Variants in PNPLA1 observed in about 807,000 individuals in gnomAD.
PNPLA1 encodes patatin like domain 1, omega-hydroxyceramide transacylase, also known as omega-hydroxyceramide transacylase.
A neutral mutation model predicts 51.7 loss-of-function variants in PNPLA1; 36 were observed. The ratio of observed to expected loss-of-function variants is 0.70; its 90% CI spans 0.53 to 0.92. The LOEUF (loss-of-function observed/expected upper bound fraction) is 0.92. PNPLA1 is among the 40% of genes least tolerant of loss of function. PNPLA1 has a pLI of 0.00. For missense variants in PNPLA1, 658 were observed against 682.5 expected (o/e 0.96, Z 0.40); for synonymous variants, 293 against 280.1 (o/e 1.05, Z -0.46).
At chr6:36,285,759 T>C (rs1770468410) in intron 1 of PNPLA1, among the ~76,000 whole-genome samples, 1 of 152,164 alleles carries the variant, frequency 6.6e-6, no homozygotes, top group South Asian at 2.1e-4. Flanking sequence ...GGGAACATTA[T>C]CCACCTAAAC....
intron 1 of PNPLA1, among the ~76,000 whole-genome samples, chr6:36,288,860 C>T (rs1219956324): frequency 6.6e-6 from 1 of 152,136 alleles, no homozygotes. Context: ...TTGCCTGAGC[C>T]AGGCATTCCA....
chr6:36,247,599 A>G (rs1008980313), intron 1 of PNPLA1, among the ~76,000 whole-genome samples: 1 of 152,202 alleles, frequency 6.6e-6, no homozygotes, highest in Non-Finnish European at 1.5e-5. Context: ...AAGATCTGAG[A>G]GCAGGTTTAC....
chr6:36,295,213 A>G (rs1770820059), intron 4 of PNPLA1, 151 bp from the exon 5 acceptor site: 3 of 728,198 alleles, frequency 4.1e-6, no homozygotes, highest in African/African-American at 1.7e-5. Context: ...TTCTTAGCAG[A>G]CAGTGAGGGA....
intron 8 of PNPLA1, 171 bp downstream of exon 8, chr6:36,307,883 A>G: frequency 2.5e-6 from 2 of 794,494 alleles, no homozygotes; most frequent in Non-Finnish European, 3.7e-6. Context: ...CCACAGCTCC[A>G]CTCAGGGATC....
In PNPLA1 at chr6:36,306,330, G is replaced by A. The variant is rs750116578; in HGVS notation, c.1423G>A (p.Val475Met). ...TGTCTCTTCAAAACCAAAAAGCGCCGTGCCTCTGGTTCATGTGAAGGAAAC... is the reference window on the plus strand; with the variant it reads ...TGTCTCTTCAAAACCAAAAAGCGCCATGCCTCTGGTTCATGTGAAGGAAAC... ...LLVSSKPKSA[V>M]PLVHVKETVS... Residue 475 changes from valine (V) to methionine (M), a missense_variant, in exon 7 of 9, where the codon GTG becomes ATG. Coordinates refer to ENST00000636260, the MANE Select transcript of PNPLA1 (RefSeq NM_001374623.1). 3.2e-5 allele frequency: 51 copies of A among 1,612,560 alleles called. No homozygotes were observed. The highest frequency in any genetic ancestry group is 4.0e-5 in the Non-Finnish European group (47 of 1,179,442).
chr6:36,306,203 A>T, intron 6 of PNPLA1, 89 bp from the exon 7 acceptor site: 1 of 957,200 alleles, frequency 1.0e-6, no homozygotes, highest in South Asian at 1.6e-5. Context: ...GTTTTTAAAC[A>T]TTCTCATTTA....
intron 1 of PNPLA1, among the ~76,000 whole-genome samples, chr6:36,244,668 G>A (rs1305401957): frequency 6.6e-6 from 1 of 152,174 alleles, no homozygotes; most frequent in Non-Finnish European, 1.5e-5. Context: ...AACACACTTG[G>A]TGCCATTCGT....
At chr6:36,301,157 GTCACCC>G (rs1306521676) in intron 5 of PNPLA1, among the ~76,000 whole-genome samples, 175 of 111,694 alleles carry the variant, frequency 1.6e-3, no homozygotes, top group African/African-American at 5.9e-3. Context: ...TTCTCACTCT[GTCACCC>G]AAGCTGGAGC....
chr6:36,263,955 C>A (rs1333566562), intron 1 of PNPLA1, among the ~76,000 whole-genome samples: 2 of 152,250 alleles, frequency 1.3e-5, no homozygotes, highest in African/African-American at 2.4e-5. Flanking sequence ...TGCCCCTAAG[C>A]TGCTTCCCCG....
intron 1 of PNPLA1, among the ~76,000 whole-genome samples, chr6:36,247,315 A>C (rs767185081): frequency 1.3e-4 from 19 of 151,948 alleles, no homozygotes; most frequent in Non-Finnish European, 7.4e-5. Context: ...TACCTTTTCT[A>C]TACCCTTCCC....
At chr6:36,254,045 A>C (rs949767269) in intron 1 of PNPLA1, among the ~76,000 whole-genome samples, 1 of 152,204 alleles carries the variant, frequency 6.6e-6, no homozygotes, top group African/African-American at 2.4e-5. Context: ...CTGAGCTAGA[A>C]AGCAATATGT....
intron 1 of PNPLA1, among the ~76,000 whole-genome samples, chr6:36,259,706 C>T (rs961497206): frequency 6.6e-6 from 1 of 152,212 alleles, no homozygotes; most frequent in East Asian, 1.9e-4. Context: ...TGCCAGAGGC[C>T]ATTATCCTAC....
At chr6:36,281,147 G>A (rs1770268884) in intron 1 of PNPLA1, among the ~76,000 whole-genome samples, 1 of 152,152 alleles carries the variant, frequency 6.6e-6, no homozygotes, top group South Asian at 2.1e-4. Flanking sequence ...CATACTACTG[G>A]AGCTGGAAGT....
At chr6:36,310,972 G>A (rs1771395080) in intron 8 of PNPLA1, among the ~76,000 whole-genome samples, 1 of 152,216 alleles carries the variant, frequency 6.6e-6, no homozygotes, top group African/African-American at 2.4e-5. Context: ...GCCTGTGTGG[G>A]ACATTTGGGA....
chr6:36,279,974 G>A (rs779798864), intron 1 of PNPLA1, among the ~76,000 whole-genome samples: 4 of 152,188 alleles, frequency 2.6e-5, no homozygotes, highest in South Asian at 4.1e-4. Context: ...TTGGGAGGCC[G>A]AGGCAGGCAG....
intron 1 of PNPLA1, among the ~76,000 whole-genome samples, chr6:36,245,364 G>T (rs1769246626): frequency 6.6e-6 from 1 of 152,206 alleles, no homozygotes; most frequent in Non-Finnish European, 1.5e-5. Flanking sequence ...CAAGTATTTT[G>T]TGACTCTAAC....
intron 5 of PNPLA1, among the ~76,000 whole-genome samples, chr6:36,297,245 T>C (rs1770885554): frequency 6.6e-6 from 1 of 152,224 alleles, no homozygotes; most frequent in African/African-American, 2.4e-5. Flanking sequence ...TTGCTTCCTC[T>C]TCCGATTTGC....
intron 6 of PNPLA1, among the ~76,000 whole-genome samples, chr6:36,303,699 G>T (rs946697772): frequency 6.6e-6 from 1 of 152,168 alleles, no homozygotes. Flanking sequence ...AAACTTGGTG[G>T]TGCATGCCTG....
chr6:36,260,656 C>T (rs958239596), intron 1 of PNPLA1, among the ~76,000 whole-genome samples: 1 of 152,176 alleles, frequency 6.6e-6, no homozygotes, highest in East Asian at 1.9e-4. Context: ...TGTTCTTTGC[C>T]CCCTTTTTTA....
Sources: gnomAD v4.1 joint callset for allele counts (sites outside exome capture counted in the v4.1 genomes callset) on GRCh38, gnomAD v4.1.1 for gene constraint, MANE v1.5 for transcripts, NCBI Gene and HGNC (gene_info 2026-07-23, HGNC 2026-07-21) for gene names.